LYPLA1: variants seen among roughly 807,000 people sequenced by gnomAD.
The protein encoded by LYPLA1 is acyl-protein thioesterase 1.
Under a neutral mutation model 34.0 loss-of-function variants are expected in LYPLA1, and 17 were observed. The observed-to-expected ratio is 0.50, with a 90% CI of 0.34 to 0.75. LYPLA1 has a LOEUF of 0.75. LYPLA1 is among the 30% of genes least tolerant of loss of function. LYPLA1 has a pLI of 0.01. For missense variants in LYPLA1, 203 were observed against 288.8 expected (o/e 0.70, Z 2.15); for synonymous variants, 98 against 100.8 (o/e 0.97, Z 0.17).
chr8:54,073,449 G>T, intron 2 of LYPLA1: 1 of 772,216 alleles, frequency 1.3e-6, no homozygotes, highest in Non-Finnish European at 2.4e-6. Context: ...TTATCTACCT[G>T]GCTGTGATGG....
intron 2 of LYPLA1, among the ~76,000 whole-genome samples, chr8:54,066,788 A>G (rs1478378861): frequency 6.6e-6 from 1 of 151,162 alleles, no homozygotes; most frequent in Non-Finnish European, 1.5e-5. Context: ...CTCAAAAAAA[A>G]AGAAAAGAAA....
chr8:54,078,381 A>G (rs141530237), intron 2 of LYPLA1, among the ~76,000 whole-genome samples: 2 of 152,372 alleles, frequency 1.3e-5, no homozygotes, highest in African/African-American at 4.8e-5. Context: ...TTAGAACTGC[A>G]TAATAGTTGC....
intron 2 of LYPLA1, among the ~76,000 whole-genome samples, chr8:54,066,807 A>C (rs1315633068): frequency 6.6e-6 from 1 of 151,630 alleles, no homozygotes; most frequent in Admixed American, 6.6e-5. Context: ...AAAAAAAGAA[A>C]AAGAAAAAAG....
intron 2 of LYPLA1, chr8:54,073,410 C>A (rs1385377580): frequency 3.9e-6 from 3 of 776,476 alleles, no homozygotes; most frequent in Admixed American, 1.7e-5. Context: ...AATGCTGGCA[C>A]GGCCAGCTCC....
intron 2 of LYPLA1, among the ~76,000 whole-genome samples, chr8:54,075,988 C>T (rs900515657): frequency 1.3e-5 from 2 of 152,140 alleles, no homozygotes; most frequent in South Asian, 4.1e-4. Flanking sequence ...CACGGTCACA[C>T]TATGTTCAGG....
At chr8:54,086,295 C>T (rs980170692) in intron 2 of LYPLA1, among the ~76,000 whole-genome samples, 1 of 151,692 alleles carries the variant, frequency 6.6e-6, no homozygotes, top group African/African-American at 2.4e-5. Flanking sequence ...CTGAGGAAGG[C>T]GGCAGGGCCC....
At chr8:54,090,433 G>A (rs1167536804) in intron 2 of LYPLA1, among the ~76,000 whole-genome samples, 1 of 152,134 alleles carries the variant, frequency 6.6e-6, no homozygotes, top group Admixed American at 6.5e-5. Context: ...ACACTATATT[G>A]TAAATTCTTA....
Position 54,101,936 on chromosome 8 carries a change from G to T in LYPLA1, c.-113C>A. 1 of 469,046 alleles carries T rather than the reference G, an allele frequency of 2.1e-6. No individual in the cohort carries two copies. Among genetic ancestry groups the T allele is most frequent in the Non-Finnish European group, 3.0e-6 (1 of 334,278 alleles). The allele number at this position is 469,046 out of a possible 1,614,324, so 29.1% of individuals were successfully genotyped here. On this transcript the variant is annotated 5_prime_UTR_variant, in exon 1 of 9. Transcript: ENST00000316963. ...CCCCACCGGGCGCACGCTCAGGCGC[G>T]TGCGCGCCAACGCGGCCCCGCGCTA...
At chr8:54,083,644 A>C (rs1362288248) in intron 2 of LYPLA1, among the ~76,000 whole-genome samples, 2 of 152,246 alleles carry the variant, frequency 1.3e-5, no homozygotes, top group African/African-American at 2.4e-5. Flanking sequence ...TGTAAACAAA[A>C]GGATGTGGTT....
chr8:54,073,830 C>G (rs1807679941), intron 2 of LYPLA1, among the ~76,000 whole-genome samples: 1 of 152,184 alleles, frequency 6.6e-6, no homozygotes, highest in Admixed American at 6.5e-5. Context: ...TCCAGTGTTT[C>G]TTGATACATG....
Position 54,062,113 on chromosome 8 carries a change from T to C in LYPLA1, c.286+141A>G, listed in dbSNP as rs1806677744. The C allele has an allele frequency of 4.0e-5, 23 of 577,118 alleles. No individual in the cohort carries two copies. In the South Asian group the frequency reaches 4.6e-4, roughly 12 times the overall value. The allele number at this position is 577,118 out of a possible 1,614,324, so 35.7% of individuals were successfully genotyped here. On this transcript the variant is annotated intron_variant, in intron 5 of 8. Transcript: ENST00000316963. ...CTTCAGGTGACCCACCCGCCTCTACTTCCCAAAGTACTGGGATTACAGGCG... is the reference window on the plus strand; with the variant it reads ...CTTCAGGTGACCCACCCGCCTCTACCTCCCAAAGTACTGGGATTACAGGCG...
Position 54,079,624 on chromosome 8 carries a change from G to A in LYPLA1, c.102-13811C>T, listed in dbSNP as rs1376034730. ...TTGAGACCAGCCTGGGCAATGTGGC[G>A]AATCCCCCATATCTACTGAGAATAC... On this transcript the variant is annotated intron_variant, in intron 2 of 8. Transcript: ENST00000316963. Among the ~76,000 whole-genome samples, 7 of 151,558 alleles carry A rather than the reference G, an allele frequency of 4.6e-5. No homozygotes were observed. In the East Asian group the frequency reaches 7.8e-4, roughly 17 times the overall value.
Position 54,051,114 on chromosome 8 carries a change from C to T in LYPLA1, c.537G>A (p.Leu179=), listed in dbSNP as rs1392688273. The T allele has an allele frequency of 1.2e-6, 2 of 1,614,026 alleles. No individual in the cohort carries two copies. The highest frequency in any genetic ancestry group is 1.3e-5 in the African/African-American group (1 of 75,032). The part of the protein sequence containing the change: ...CHGDCDPLVP[L]MFGSLTVEKL... ...TTTCCACCGTAAGAGAACCAAACAT[C>T]AGGGGAACCAAAGGGTCACAATCCC... is the stretch of plus-strand genomic sequence containing the variant. Residue 179 remains leucine (L), a synonymous_variant, in exon 8 of 9, where the codon CTG becomes CTA. Coordinates refer to ENST00000316963, the MANE Select transcript of LYPLA1 (RefSeq NM_006330.4).
In LYPLA1 at chr8:54,101,866, G is replaced by C. The variant is rs374332051; in HGVS notation, c.-43C>G. The stretch of plus-strand genomic sequence containing the variant: ...AGCGCAAGCGGAAGGAAGAGCGGGC[G>C]CCCGGCCGCGGCCCAAGGGCGTGCG... On this transcript the variant is annotated 5_prime_UTR_variant, in exon 1 of 9. Coordinates refer to ENST00000316963, the MANE Select transcript of LYPLA1 (RefSeq NM_006330.4). The C allele has an allele frequency of 8.5e-7, 1 of 1,178,326 alleles. No individual in the cohort carries two copies. Among genetic ancestry groups the C allele is most frequent in the East Asian group, 3.6e-5 (1 of 28,158 alleles). 73.0% of individuals were successfully genotyped at this position (1,178,326 alleles called of 1,614,324 possible). A position where few individuals can be genotyped will look rare whatever the true frequency, so the allele number is the denominator to read the frequency against.
intron 2 of LYPLA1, among the ~76,000 whole-genome samples, chr8:54,072,101 T>C (rs974653344): frequency 6.6e-6 from 1 of 152,106 alleles, no homozygotes; most frequent in African/African-American, 2.4e-5. Context: ...AACTATTTGA[T>C]ACTCAACAAA....
chr8:54,065,807 T>A lies in LYPLA1; in HGVS notation c.108A>T (p.Gly36=). The A allele has an allele frequency of 1.2e-6, 2 of 1,613,528 alleles. No individual in the cohort carries two copies. Among genetic ancestry groups the A allele is most frequent in the African/African-American group, 1.3e-5 (1 of 75,044 alleles). Residue 36 remains glycine (G), a synonymous_variant, in exon 3 of 9, where the codon GGA becomes GGT. Coordinates refer to ENST00000316963, the MANE Select transcript of LYPLA1 (RefSeq NM_006330.4). ...TGATACCTGCAAAGGCTTCTGCCCA[T>A]CCGTGCCTGGTGGAAAAATCATTGA... The part of the protein sequence containing the change: ...FLHGLGDTGH[G]WAEAFAGIRS...
At chr8:54,100,973 C>T in intron 1 of LYPLA1, 34 bp from the exon 2 acceptor site, 1 of 1,567,158 alleles carries the variant, frequency 6.4e-7, no homozygotes, top group South Asian at 1.1e-5. Context: ...TAAGCAATGC[C>T]TAAATAAGCC....
At chr8:54,072,440 TAAAC>T (rs1221444178) in intron 2 of LYPLA1, among the ~76,000 whole-genome samples, 1 of 151,328 alleles carries the variant, frequency 6.6e-6, no homozygotes, top group East Asian at 1.9e-4. Context: ...ATCAACAGAG[TAAAC>T]AAACATCCTG....
chr8:54,101,444 C>A, intron 1 of LYPLA1: 1 of 1,091,224 alleles, frequency 9.2e-7, no homozygotes, highest in South Asian at 4.4e-5. Flanking sequence ...GTTTCCCTCA[C>A]CCACACACCA....
Sources: allele counts gnomAD v4.1 joint callset (sites outside exome capture counted in the v4.1 genomes callset), GRCh38; gene constraint gnomAD v4.1.1; transcripts MANE v1.5; gene names NCBI Gene and HGNC (gene_info 2026-07-23, HGNC 2026-07-21).